Variants in NME7 observed in about 807,000 individuals in gnomAD.
The protein encoded by NME7 is nucleoside diphosphate kinase 7.
In NME7, 41 loss-of-function variants were observed where a neutral mutation model predicts 49.1. The observed-to-expected ratio is 0.83, with a 90% CI of 0.65 to 1.08. The LOEUF is 1.08. NME7 is among the 50% of genes least tolerant of loss of function. NME7 has a pLI of 0.00. For synonymous variants in NME7, 139 were observed against 150.6 expected, an observed-to-expected ratio of 0.92 and a Z score of 0.56; for missense variants, 423 against 463.4, an observed-to-expected ratio of 0.91 and a Z score of 0.80.
At chr1:169,252,101 G>C (rs1183854672) in intron 7 of NME7, among the ~76,000 whole-genome samples, 3 of 149,268 alleles carry the variant, frequency 2.0e-5, no homozygotes, top group African/African-American at 7.5e-5. Context: ...GGGTCAAATG[G>C]TATTTCCAGT....
At chr1:169,176,550 A>G (rs182685520) in intron 10 of NME7, among the ~76,000 whole-genome samples, 188 of 152,270 alleles carry the variant, frequency 1.2e-3, no homozygotes, top group Non-Finnish European at 2.3e-3. Flanking sequence ...ATTTCAGGTG[A>G]AATATTTAGA....
rs751199263 is a variant in NME7, at chr1:169,237,616, T to C, written c.819+7A>G. The C allele has an allele frequency of 2.5e-6, 4 of 1,600,610 alleles. No homozygotes were observed. The Admixed American group carries it at 5.0e-5, about 20-fold the overall frequency. On this transcript the variant is annotated splice_region_variant and intron_variant, in intron 8 of 11. Coordinates refer to ENST00000367811, the MANE Select transcript of NME7 (RefSeq NM_013330.5). ...ACAAATATTATGGTTCATTGTAAAC[T>C]ACCTACCATCTGCATAGCTGAGATT...
chr1:169,176,019 C>T (rs1257028050), intron 10 of NME7, among the ~76,000 whole-genome samples: 6 of 152,174 alleles, frequency 3.9e-5, no homozygotes, highest in African/African-American at 1.4e-4. Flanking sequence ...ACAGCACATG[C>T]TAAGTGCTCT....
rs1392515834 is a variant in NME7, at chr1:169,355,152, A to G, written c.3+12556T>C. Among the ~76,000 whole-genome samples, 62 of 37,276 alleles carry G rather than the reference A, an allele frequency of 1.7e-3. 2 individuals are homozygous for G. The highest frequency in any genetic ancestry group is 2.5e-3 in the East Asian group (2 of 802). The allele number at this position is 37,276 out of a possible 152,430, so 24.5% of individuals were successfully genotyped here. ...TTATAGATATAATATATAATATACT[A>G]TATATTATAGATATAATATATAATA... On this transcript the variant is annotated intron_variant, in intron 1 of 11. Transcript: ENST00000367811.
intron 1 of NME7, among the ~76,000 whole-genome samples, chr1:169,359,074 T>G (rs1280043194): frequency 6.6e-6 from 1 of 152,106 alleles, no homozygotes. Context: ...AGGGGATTGG[T>G]TCCAGGACTC....
chr1:169,331,816 C>CAAA lies in NME7; in HGVS notation c.4-7319_4-7317dup, dbSNP rs35728129. ...ACTGATGAAATAATTTGAAAAAGAC[C>CAAA]AAAAAAAAAATGGGAAGCTATTCCA... On this transcript the variant is annotated intron_variant, in intron 1 of 11. Transcript: ENST00000367811. 1.1e-3 allele frequency among the ~76,000 whole-genome samples: 159 copies of CAAA among 148,782 alleles called. 1 individual carries two copies. Among genetic ancestry groups the CAAA allele is most frequent in the African/African-American group, 3.6e-3 (149 of 40,852 alleles).
intron 11 of NME7, among the ~76,000 whole-genome samples, chr1:169,139,790 C>T (rs2101807704): frequency 6.6e-6 from 1 of 152,270 alleles, no homozygotes; most frequent in Middle Eastern, 3.4e-3. Flanking sequence ...CAGATGATAG[C>T]ATACATAATT....
At chr1:169,210,377 A>G (rs1244920636) in intron 10 of NME7, among the ~76,000 whole-genome samples, 1 of 152,172 alleles carries the variant, frequency 6.6e-6, no homozygotes, top group East Asian at 1.9e-4. Flanking sequence ...GTATGTGTCA[A>G]CCTAGAACCT....
chr1:169,342,499 A>G (rs1652751644), intron 1 of NME7, among the ~76,000 whole-genome samples: 1 of 131,764 alleles, frequency 7.6e-6, no homozygotes, highest in Non-Finnish European at 1.6e-5. Flanking sequence ...ATATATATAT[A>G]CAAGTACATA....
At chr1:169,241,418 T>A (rs1267319575) in intron 7 of NME7, among the ~76,000 whole-genome samples, 1 of 151,996 alleles carries the variant, frequency 6.6e-6, no homozygotes, top group Non-Finnish European at 1.5e-5. Context: ...TCAGCTTTGG[T>A]CTTGCAGATC....
At chr1:169,254,006 ATAT>A (rs1648772059) in intron 7 of NME7, among the ~76,000 whole-genome samples, 4 of 151,374 alleles carry the variant, frequency 2.6e-5, no homozygotes, top group Admixed American at 2.0e-4. Flanking sequence ...TTCATCAACG[ATAT>A]TGGTCTAAAA....
intron 10 of NME7, among the ~76,000 whole-genome samples, chr1:169,202,919 T>C (rs1398529249): frequency 6.6e-6 from 1 of 151,830 alleles, no homozygotes; most frequent in East Asian, 1.9e-4. Flanking sequence ...CCAATGTGTA[T>C]GAAACATGTG....
intron 11 of NME7, among the ~76,000 whole-genome samples, chr1:169,168,285 T>C (rs1200528721): frequency 7.2e-5 from 11 of 152,210 alleles, no homozygotes; most frequent in Non-Finnish European, 1.5e-5. Flanking sequence ...ACTCCTGCTC[T>C]AAAACTTGCC....
chr1:169,175,417 T>C lies in NME7; in HGVS notation c.991-5863A>G, dbSNP rs573621564. Among the ~76,000 whole-genome samples the C allele has an allele frequency of 5.3e-5, 8 of 152,308 alleles. No individual in the cohort carries two copies. In the East Asian group the frequency reaches 1.3e-3, roughly 26 times the overall value. On this transcript the variant is annotated intron_variant, in intron 10 of 11. Transcript: ENST00000367811. ...ACAACGATAAAAAGTATAGTAAATA[T>C]GTAAACCAGTAACATAGTCATTTAT...
At chr1:169,215,171 T>C (rs1392307810) in intron 10 of NME7, among the ~76,000 whole-genome samples, 1 of 151,912 alleles carries the variant, frequency 6.6e-6, no homozygotes, top group Non-Finnish European at 1.5e-5. Context: ...TCAGGTTGCC[T>C]CTCTCCCTCT....
chr1:169,281,352 G>T (rs916912456), intron 7 of NME7, among the ~76,000 whole-genome samples: 4 of 152,154 alleles, frequency 2.6e-5, no homozygotes, highest in Admixed American at 6.5e-5. Flanking sequence ...GAGGTTTTGG[G>T]CTAAGACAAT....
At chr1:169,241,785 G>A (rs912623974) in intron 7 of NME7, among the ~76,000 whole-genome samples, 1 of 150,998 alleles carries the variant, frequency 6.6e-6, no homozygotes, top group Non-Finnish European at 1.5e-5. Flanking sequence ...AAAGTACAAT[G>A]TTAGTGCAAT....
intron 10 of NME7, among the ~76,000 whole-genome samples, chr1:169,219,588 T>C (rs1300010732): frequency 6.6e-6 from 1 of 152,168 alleles, no homozygotes; most frequent in African/African-American, 2.4e-5. Flanking sequence ...TGACTTGAGA[T>C]AGGATCTCAC....
At chr1:169,212,271 C>T (rs1660846482) in intron 10 of NME7, among the ~76,000 whole-genome samples, 1 of 151,982 alleles carries the variant, frequency 6.6e-6, no homozygotes, top group Non-Finnish European at 1.5e-5. Flanking sequence ...TACTTAATAA[C>T]TTTACTTAAT....
Sources: gnomAD v4.1 joint callset for allele counts (sites outside exome capture counted in the v4.1 genomes callset) on GRCh38, gnomAD v4.1.1 for gene constraint, MANE v1.5 for transcripts, NCBI Gene and HGNC (gene_info 2026-07-23, HGNC 2026-07-21) for gene names.